The following RAPGEF2 variants were observed in gnomAD, a reference collection of about 807,000 sequenced individuals.
RAPGEF2 encodes the protein Rap guanine nucleotide exchange factor 2, also known as PDZ domain containing guanine nucleotide exchange factor (GEF) 1.
A neutral mutation model predicts 186.7 loss-of-function variants in RAPGEF2; 54 were observed. That is an observed-to-expected ratio of 0.29 (90% confidence interval 0.23 to 0.36). The LOEUF (loss-of-function observed/expected upper bound fraction) is 0.36. RAPGEF2 is among the 10% of genes least tolerant of loss of function. The probability of loss-of-function intolerance (pLI) is 1.00; values close to 1 mark genes in which losing one functional copy is unlikely to be tolerated. For synonymous variants in RAPGEF2, 712 were observed against 705.9 expected (o/e 1.01, Z -0.14); for missense variants, 1,532 against 2,045.0 (o/e 0.75, Z 4.84).
chr4:159,215,919 C>G (rs1750955504), intron 4 of RAPGEF2, among the ~76,000 whole-genome samples: 2 of 152,114 alleles, frequency 1.3e-5, no homozygotes, highest in African/African-American at 4.8e-5. Flanking sequence ...TGCATGGACT[C>G]TAGGGTCTGA....
chr4:159,355,810 G>T, intron 28 of RAPGEF2, 43 bp from the exon 29 acceptor site: 2 of 1,466,306 alleles, frequency 1.4e-6, no homozygotes, highest in Non-Finnish European at 1.8e-6. Flanking sequence ...AACTTTTGTG[G>T]CATGAACTAG....
At chr4:159,317,862 T>A (rs1764785107) in intron 9 of RAPGEF2, among the ~76,000 whole-genome samples, 1 of 152,212 alleles carries the variant, frequency 6.6e-6, no homozygotes, top group African/African-American at 2.4e-5. Flanking sequence ...GAAGTTACCA[T>A]TTTGTAATCT....
rs143946745 is a variant in RAPGEF2 at position 159,118,226 on chromosome 4, G to GC, written c.69+13996dup. 8.6e-3 allele frequency among the ~76,000 whole-genome samples: 1,306 copies of GC among 152,224 alleles called. 24 individuals carry two copies. Among genetic ancestry groups the GC allele is most frequent in the African/African-American group, 0.03 (1,241 of 41,526 alleles). On this transcript the variant is annotated intron_variant, in intron 1 of 29. Transcript: ENST00000691494. ...CTGAGCTCCGCCTCCTGTCAGATTAGCAGCAGCATTAGATTCTCATAGGAG... is the reference window on the plus strand; with the variant it reads ...CTGAGCTCCGCCTCCTGTCAGATTAGCCAGCAGCATTAGATTCTCATAGGAG...
intron 11 of RAPGEF2, chr4:159,328,492 C>T (rs780637684): frequency 6.6e-6 from 1 of 152,134 alleles, no homozygotes; most frequent in Non-Finnish European, 1.5e-5. Context: ...GATTAGCCAA[C>T]TCTGGGAGAA....
At chr4:159,192,855 C>CT (rs1323015839) in intron 2 of RAPGEF2, among the ~76,000 whole-genome samples, 4 of 152,198 alleles carry the variant, frequency 2.6e-5, no homozygotes, top group African/African-American at 9.6e-5. Flanking sequence ...TCCTTTTAAA[C>CT]TTTTAGGTTC....
At chr4:159,167,695 G>A (rs1745475853) in intron 1 of RAPGEF2, among the ~76,000 whole-genome samples, 1 of 152,174 alleles carries the variant, frequency 6.6e-6, no homozygotes, top group African/African-American at 2.4e-5. Context: ...ATGCTAGTGT[G>A]TTCCTGGCAT....
At chr4:159,224,288 TTATC>T (rs1362981354) in intron 4 of RAPGEF2, among the ~76,000 whole-genome samples, 5 of 152,356 alleles carry the variant, frequency 3.3e-5, no homozygotes, top group East Asian at 3.9e-4. Context: ...TTTTCATTGA[TTATC>T]TATGTCAGAA....
chr4:159,294,990 G>T (rs1456601822), intron 7 of RAPGEF2, among the ~76,000 whole-genome samples: 2 of 152,294 alleles, frequency 1.3e-5, no homozygotes, highest in Middle Eastern at 3.4e-3. Context: ...ATCGCACCTG[G>T]CCCGAGCTTT....
At chr4:159,348,009 C>A (rs1193524136) in intron 25 of RAPGEF2, among the ~76,000 whole-genome samples, 3 of 152,122 alleles carry the variant, frequency 2.0e-5, no homozygotes, top group Admixed American at 2.0e-4. Flanking sequence ...TCACTCGAGG[C>A]CAGGAGTTGG....
Position 159,356,051 on chromosome 4 carries a change from A to G in RAPGEF2, c.4850A>G (p.His1617Arg). ...GPSSVQQPHG[H>R]PTSSRPVNKP... ...TCATCCGTACAGCAGCCACATGGGC[A>G]TCCCACCAGCAGCAGGCCTGTGAAC... The change falls in exon 29 of 30, where the codon CAT becomes CGT. Residue 1617 changes from histidine (H) to arginine (R), a missense_variant. Coordinates refer to ENST00000691494, the MANE Select transcript of RAPGEF2 (RefSeq NM_001394067.2). 1 of 1,614,184 alleles carries G rather than the reference A, an allele frequency of 6.2e-7. No homozygotes were observed. Among genetic ancestry groups the G allele is most frequent in the South Asian group, 1.1e-5 (1 of 91,084 alleles).
At chr4:159,152,841 G>A (rs1304225143) in intron 1 of RAPGEF2, among the ~76,000 whole-genome samples, 1 of 152,048 alleles carries the variant, frequency 6.6e-6, no homozygotes, top group African/African-American at 2.4e-5. Flanking sequence ...GGATGGTCTC[G>A]ATCTCCTGAC....
chr4:159,226,949 C>T (rs1005222892), intron 4 of RAPGEF2, among the ~76,000 whole-genome samples: 6 of 152,090 alleles, frequency 3.9e-5, no homozygotes, highest in African/African-American at 9.7e-5. Context: ...TATATGTGTA[C>T]GAGTTTATGC....
chr4:159,319,826 T>A (rs1173843531), intron 9 of RAPGEF2, among the ~76,000 whole-genome samples: 1 of 151,318 alleles, frequency 6.6e-6, no homozygotes, highest in African/African-American at 2.4e-5. Flanking sequence ...CATGACCCAC[T>A]AATAGATTAA....
At chr4:159,148,655 C>G (rs1204099374) in intron 1 of RAPGEF2, among the ~76,000 whole-genome samples, 2 of 151,980 alleles carry the variant, frequency 1.3e-5, no homozygotes, top group African/African-American at 4.8e-5. Flanking sequence ...TCTTGGAAAC[C>G]ACTCTTGGGA....
intron 1 of RAPGEF2, among the ~76,000 whole-genome samples, chr4:159,182,386 C>CTTTTTTTTTTTT (rs575743979): frequency 8.2e-5 from 7 of 85,674 alleles, no homozygotes; most frequent in South Asian, 4.6e-4. Flanking sequence ...TTCTTTTCTT[C>CTTTTTTTTTTTT]TTTTTTTTTT....
intron 1 of RAPGEF2, among the ~76,000 whole-genome samples, chr4:159,146,613 G>C (rs531382507): frequency 6.6e-5 from 10 of 152,316 alleles, no homozygotes; most frequent in African/African-American, 2.2e-4. Flanking sequence ...ATATGATGCT[G>C]TCTGTATATG....
At chr4:159,339,385 T>C (rs745572867) in intron 19 of RAPGEF2, 31 bp downstream of exon 19, 3 of 1,593,754 alleles carry the variant, frequency 1.9e-6, no homozygotes. Context: ...TGGATTTCTT[T>C]GTCCCCTCTT....
chr4:159,323,466 C>G lies in RAPGEF2; in HGVS notation c.998C>G (p.Ser333Cys). 6.2e-7 allele frequency: 1 copy of G among 1,600,282 alleles called. No homozygotes were observed. Among genetic ancestry groups the G allele is most frequent in the Non-Finnish European group, 8.5e-7 (1 of 1,173,604 alleles). The change falls in exon 11 of 30, where the codon TCC (serine) becomes TGC (cysteine). Residue 333 changes from serine (S) to cysteine (C), a missense_variant. By Grantham distance (112) the Ser-to-Cys change is moderately radical (BLOSUM62 -1). Coordinates refer to ENST00000691494, the MANE Select transcript of RAPGEF2 (RefSeq NM_001394067.2). Reference sequence around the variant, plus strand: ...TTTATTTTTTTGGATTAGCTGGACTCCTGGTCAGTGATTCTCAATGGATCT... The same window carrying G: ...TTTATTTTTTTGGATTAGCTGGACTGCTGGTCAGTGATTCTCAATGGATCT... ...IVLNDGEELDSWSVILNGSVE... is the reference protein window; with the variant it reads ...IVLNDGEELDCWSVILNGSVE...
At chr4:159,348,170 G>A (rs914930110) in intron 25 of RAPGEF2, among the ~76,000 whole-genome samples, 3 of 150,834 alleles carry the variant, frequency 2.0e-5, no homozygotes, top group Non-Finnish European at 4.4e-5. Context: ...GTAATAAGCC[G>A]GGATTGCATC....
Sources: allele counts gnomAD v4.1 joint callset (sites outside exome capture counted in the v4.1 genomes callset), GRCh38; gene constraint gnomAD v4.1.1; transcripts MANE v1.5; gene names NCBI Gene and HGNC (gene_info 2026-07-23, HGNC 2026-07-21).